Variants in PDE3B observed in about 807,000 individuals in gnomAD.
PDE3B encodes the protein phosphodiesterase 3B.
A neutral mutation model predicts 116.8 loss-of-function variants in PDE3B; 66 were observed. The observed-to-expected ratio is 0.56, with a 90% CI of 0.46 to 0.69. The LOEUF (loss-of-function observed/expected upper bound fraction) is 0.69, where lower values mean the gene tolerates loss of function less well. Ranked by LOEUF, PDE3B falls within the 30% of genes least tolerant of loss-of-function variation. The pLI is 0.00. For missense variants in PDE3B, 1,384 were observed against 1,368.1 expected (o/e 1.01, Z -0.18); for synonymous variants, 595 against 533.6 (o/e 1.12, Z -1.59).
chr11:14,765,404 T>C (rs1380869330), intron 1 of PDE3B, among the ~76,000 whole-genome samples: 1 of 151,852 alleles, frequency 6.6e-6, no homozygotes, highest in Non-Finnish European at 1.5e-5. Context: ...GGTGGTTTTG[T>C]AGAGCTCCGT....
chr11:14,668,405 A>G (rs748111087), intron 1 of PDE3B, among the ~76,000 whole-genome samples: 3 of 152,120 alleles, frequency 2.0e-5, no homozygotes, highest in Admixed American at 6.6e-5. Flanking sequence ...ATTATTCATC[A>G]TATTATTTGC....
chr11:14,740,498 CTT>C (rs1856737092), intron 1 of PDE3B, among the ~76,000 whole-genome samples: 1 of 152,100 alleles, frequency 6.6e-6, no homozygotes, highest in Non-Finnish European at 1.5e-5. Context: ...CTCTTTTCAT[CTT>C]TATTAGTCTG....
intron 1 of PDE3B, among the ~76,000 whole-genome samples, chr11:14,689,769 T>C (rs1022742775): frequency 2.0e-5 from 3 of 152,178 alleles, no homozygotes; most frequent in African/African-American, 7.2e-5. Flanking sequence ...AAATTTAAGC[T>C]CCAGGTTTGT....
At chr11:14,678,497 C>T (rs552798847) in intron 1 of PDE3B, among the ~76,000 whole-genome samples, 1 of 152,156 alleles carries the variant, frequency 6.6e-6, no homozygotes, top group Non-Finnish European at 1.5e-5. Flanking sequence ...TCCTGACCAG[C>T]ACTTGGTATT....
chr11:14,740,625 A>C (rs534861980), intron 1 of PDE3B, among the ~76,000 whole-genome samples: 1 of 151,956 alleles, frequency 6.6e-6, no homozygotes, highest in Non-Finnish European at 1.5e-5. Flanking sequence ...GATCTTAGTT[A>C]TTTCTGGTCT....
At chr11:14,741,761 G>T (rs1856780832) in intron 1 of PDE3B, among the ~76,000 whole-genome samples, 1 of 152,102 alleles carries the variant, frequency 6.6e-6, no homozygotes, top group South Asian at 2.1e-4. Flanking sequence ...GCTTCCTTTA[G>T]GAGCTCTTGT....
intron 7 of PDE3B, among the ~76,000 whole-genome samples, chr11:14,824,209 A>G (rs1859617273): frequency 6.6e-6 from 1 of 152,240 alleles, no homozygotes; most frequent in Non-Finnish European, 1.5e-5. Flanking sequence ...GAGATAAGAA[A>G]GAACCAATGC....
At chr11:14,788,936 G>C (rs748311323) in intron 3 of PDE3B, 170 bp from the exon 4 acceptor site, 12 of 446,522 alleles carry the variant, frequency 2.7e-5, no homozygotes, top group African/African-American at 2.1e-4. Flanking sequence ...TAACAAAATA[G>C]AGTGTGAAAT....
intron 12 of PDE3B, among the ~76,000 whole-genome samples, chr11:14,852,410 A>G (rs1329476709): frequency 1.3e-5 from 2 of 152,198 alleles, no homozygotes; most frequent in Non-Finnish European, 2.9e-5. Flanking sequence ...TCCCTCAAGG[A>G]TGTTAGAAAT....
chr11:14,673,164 C>G (rs1317148275), intron 1 of PDE3B, among the ~76,000 whole-genome samples: 1 of 150,136 alleles, frequency 6.7e-6, no homozygotes, highest in Admixed American at 6.6e-5. Flanking sequence ...ACTTTAAGCA[C>G]CATAAAAAAA....
At chr11:14,853,013 T>C (rs1377778290) in intron 12 of PDE3B, among the ~76,000 whole-genome samples, 33 of 143,506 alleles carry the variant, frequency 2.3e-4, no homozygotes, top group Non-Finnish European at 2.6e-4. Flanking sequence ...CTCTCTCTCT[T>C]TTTTTTTTTT....
chr11:14,686,487 G>A (rs1382415959), intron 1 of PDE3B, among the ~76,000 whole-genome samples: 1 of 152,178 alleles, frequency 6.6e-6, no homozygotes, highest in African/African-American at 2.4e-5. Context: ...TTAAGACGCA[G>A]AGGAAAGTTT....
At chr11:14,667,498 C>G (rs969278773) in intron 1 of PDE3B, among the ~76,000 whole-genome samples, 14 of 150,854 alleles carry the variant, frequency 9.3e-5, no homozygotes, top group African/African-American at 3.4e-4. Flanking sequence ...CCATGGAATA[C>G]TATGCAGCCA....
At chr11:14,819,008 G>T in intron 6 of PDE3B, 128 bp from the exon 7 acceptor site, 5 of 543,260 alleles carry the variant, frequency 9.2e-6, no homozygotes, top group Non-Finnish European at 1.7e-5. Flanking sequence ...ACTTTATGGA[G>T]AGATTGGAAT....
chr11:14,669,985 A>C (rs978340357), intron 1 of PDE3B, among the ~76,000 whole-genome samples: 1 of 152,180 alleles, frequency 6.6e-6, no homozygotes, highest in African/African-American at 2.4e-5. Context: ...GTCTTGTATT[A>C]TAAATGTTTT....
chr11:14,750,582 A>G (rs1188163235), intron 1 of PDE3B, among the ~76,000 whole-genome samples: 2 of 151,936 alleles, frequency 1.3e-5, no homozygotes, highest in Non-Finnish European at 2.9e-5. Context: ...GTTTATTTTA[A>G]TAATATTTAT....
chr11:14,892,234 A>C, the PDE3B span: 1 of 1,593,020 alleles, frequency 6.3e-7, no homozygotes, highest in South Asian at 1.1e-5. Context: ...CGAACTCCAC[A>C]GCAGCCCTGA....
chr11:14,785,200 G>A (rs950123019), intron 2 of PDE3B, among the ~76,000 whole-genome samples: 1 of 152,058 alleles, frequency 6.6e-6, no homozygotes, highest in African/African-American at 2.4e-5. Context: ...TTTGCATTCA[G>A]CAATTCAGAT....
intron 1 of PDE3B, among the ~76,000 whole-genome samples, chr11:14,690,599 A>T: frequency 7.3e-6 from 1 of 136,112 alleles, no homozygotes; most frequent in African/African-American, 2.7e-5. Flanking sequence ...CTAATTTTGT[A>T]TTTGTAATTT....
Sources: gnomAD v4.1 joint callset for allele counts (sites outside exome capture counted in the v4.1 genomes callset) on GRCh38, gnomAD v4.1.1 for gene constraint, MANE v1.5 for transcripts, NCBI Gene and HGNC (gene_info 2026-07-23, HGNC 2026-07-21) for gene names.